The following SH3RF3 variants were observed in gnomAD, a reference collection of about 807,000 sequenced individuals.
The protein encoded by SH3RF3 is E3 ubiquitin-protein ligase SH3RF3.
A neutral mutation model predicts 66.3 loss-of-function variants in SH3RF3; 29 were observed. That is an observed-to-expected ratio of 0.44 (90% CI 0.33 to 0.60). The LOEUF (loss-of-function observed/expected upper bound fraction) is 0.60, where lower values mean the gene tolerates loss of function less well. SH3RF3 is among the 20% of genes least tolerant of loss of function. The pLI, the probability that SH3RF3 is intolerant of heterozygous loss-of-function variation, is 0.04. For missense variants in SH3RF3, 1,194 were observed against 1,190.9 expected, an observed-to-expected ratio of 1.00 and a Z score of -0.04; for synonymous variants, 583 against 532.0, an observed-to-expected ratio of 1.10 and a Z score of -1.32.
intron 1 of SH3RF3, among the ~76,000 whole-genome samples, chr2:109,335,027 C>T (rs1158175207): frequency 2.6e-5 from 4 of 152,254 alleles, no homozygotes; most frequent in Non-Finnish European, 5.9e-5. Flanking sequence ...TGGCGACTTA[C>T]ATGTGCTCCC....
chr2:109,163,161 G>C (rs1038085743), intron 1 of SH3RF3, among the ~76,000 whole-genome samples: 8 of 152,200 alleles, frequency 5.3e-5, no homozygotes, highest in Non-Finnish European at 1.2e-4. Flanking sequence ...CACAGAGTCT[G>C]AGAACTGAGC....
intron 3 of SH3RF3, among the ~76,000 whole-genome samples, chr2:109,389,685 T>C (rs1017642303): frequency 6.6e-6 from 1 of 152,348 alleles, no homozygotes; most frequent in African/African-American, 2.4e-5. Context: ...ATTTTGTGTA[T>C]GGCTATTTTA....
At chr2:109,400,414 A>T (rs1018896705) in intron 4 of SH3RF3, among the ~76,000 whole-genome samples, 18 of 152,218 alleles carry the variant, frequency 1.2e-4, no homozygotes, top group Middle Eastern at 3.4e-3. Context: ...ACACATATAC[A>T]CCTGTGCACA....
At chr2:109,396,683 G>A (rs1676155878) in intron 3 of SH3RF3, among the ~76,000 whole-genome samples, 1 of 152,220 alleles carries the variant, frequency 6.6e-6, no homozygotes, top group African/African-American at 2.4e-5. Context: ...CCTAGACCAG[G>A]CTGACGTCAG....
chr2:109,152,358 A>G (rs1231040397), intron 1 of SH3RF3, among the ~76,000 whole-genome samples: 2 of 152,142 alleles, frequency 1.3e-5, no homozygotes, highest in African/African-American at 2.4e-5. Flanking sequence ...CATTTGGCAA[A>G]TCCCTCTTAT....
At chr2:109,150,579 C>T (rs933681051) in intron 1 of SH3RF3, among the ~76,000 whole-genome samples, 9 of 152,122 alleles carry the variant, frequency 5.9e-5, no homozygotes, top group South Asian at 4.1e-4. Flanking sequence ...ATTGTGCAGA[C>T]GGGGAAAGTG....
intron 1 of SH3RF3, among the ~76,000 whole-genome samples, chr2:109,210,979 G>A (rs1678961267): frequency 1.3e-5 from 2 of 152,192 alleles, no homozygotes; most frequent in African/African-American, 4.8e-5. Context: ...TGGATGGGGT[G>A]CACACCCGCT....
At chr2:109,179,702 G>C (rs1430031822) in intron 1 of SH3RF3, among the ~76,000 whole-genome samples, 1 of 152,066 alleles carries the variant, frequency 6.6e-6, no homozygotes, top group Non-Finnish European at 1.5e-5. Context: ...CCCATCATGG[G>C]GGCCCTACCC....
intron 1 of SH3RF3, among the ~76,000 whole-genome samples, chr2:109,213,321 C>T (rs1036642301): frequency 7.9e-5 from 12 of 152,166 alleles, no homozygotes; most frequent in African/African-American, 1.9e-4. Flanking sequence ...GCTATGTGTA[C>T]GCCAAACGCA....
chr2:109,174,808 G>T (rs547018440), intron 1 of SH3RF3, among the ~76,000 whole-genome samples: 243 of 152,312 alleles, frequency 1.6e-3, no homozygotes, highest in African/African-American at 5.1e-3. Flanking sequence ...ATGAGGGCAG[G>T]GGCTTAGCGT....
chr2:109,340,383 C>T (rs1682532809), intron 1 of SH3RF3, among the ~76,000 whole-genome samples: 1 of 152,124 alleles, frequency 6.6e-6, no homozygotes, highest in African/African-American at 2.4e-5. Flanking sequence ...GGATGAGAGC[C>T]CCAGTACTGC....
intron 1 of SH3RF3, among the ~76,000 whole-genome samples, chr2:109,146,043 C>T (rs186450301): frequency 9.7e-4 from 129 of 132,686 alleles, no homozygotes; most frequent in Middle Eastern, 6.8e-3. Flanking sequence ...GGAGTCCATG[C>T]GGGCCGAGGG....
intron 1 of SH3RF3, among the ~76,000 whole-genome samples, chr2:109,282,216 C>T (rs571797173): frequency 1.3e-5 from 2 of 152,154 alleles, no homozygotes; most frequent in African/African-American, 4.8e-5. Context: ...TGGGGTTAAA[C>T]CTGCATCTTT....
At chr2:109,135,228 C>T (rs1352358690) in intron 1 of SH3RF3, among the ~76,000 whole-genome samples, 2 of 152,190 alleles carry the variant, frequency 1.3e-5, no homozygotes, top group Non-Finnish European at 2.9e-5. Context: ...CCCCTGGGGA[C>T]AGTGTTGCCT....
chr2:109,404,612 G>A (rs1035980010), intron 4 of SH3RF3, among the ~76,000 whole-genome samples: 26 of 152,250 alleles, frequency 1.7e-4, no homozygotes, highest in African/African-American at 6.0e-4. Flanking sequence ...GGCACACAGG[G>A]CCTGGGCAGG....
At position 109,380,890 on chromosome 2, in the gene SH3RF3, G is replaced by A. The variant is rs1675631181; in HGVS notation, c.945+9209G>A. Among the ~76,000 whole-genome samples, 6 of 152,230 alleles carry A rather than the reference G, an allele frequency of 3.9e-5. No homozygotes were observed. The South Asian group carries it at 1.2e-3, about 32-fold the overall frequency. On this transcript the variant is annotated intron_variant, in intron 3 of 9. Transcript: ENST00000309415. ...TCAGGGCCTTTGGAGGCCCCAGCAG[G>A]GCACGCACTGGTCCTCAGCACCAGT...
chr2:109,433,192 A>G (rs1180977412), intron 6 of SH3RF3, among the ~76,000 whole-genome samples: 2 of 152,174 alleles, frequency 1.3e-5, no homozygotes, highest in Admixed American at 6.5e-5. Flanking sequence ...TGCAGTGTGT[A>G]TGCATGTGTG....
intron 2 of SH3RF3, among the ~76,000 whole-genome samples, chr2:109,358,492 C>G (rs1682995494): frequency 6.6e-6 from 1 of 152,168 alleles, no homozygotes; most frequent in Non-Finnish European, 1.5e-5. Flanking sequence ...TCCAAAGTTG[C>G]TGGGCCATTT....
At chr2:109,142,401 TA>T (rs1676979262) in intron 1 of SH3RF3, among the ~76,000 whole-genome samples, 1 of 152,244 alleles carries the variant, frequency 6.6e-6, no homozygotes, top group African/African-American at 2.4e-5. Flanking sequence ...CCTGTGGGGT[TA>T]GCTCCACAAA....
Sources: gnomAD v4.1 joint callset for allele counts (sites outside exome capture counted in the v4.1 genomes callset) on GRCh38, gnomAD v4.1.1 for gene constraint, MANE v1.5 for transcripts, NCBI Gene and HGNC (gene_info 2026-07-23, HGNC 2026-07-21) for gene names.